The following PDE6B variants were observed in gnomAD, a reference collection of about 807,000 sequenced individuals.
PDE6B encodes rod cGMP-specific 3',5'-cyclic phosphodiesterase subunit beta.
Under a neutral mutation model 109.0 loss-of-function variants are expected in PDE6B, and 106 were observed. The ratio of observed to expected loss-of-function variants is 0.97; its 90% confidence interval spans 0.83 to 1.14. PDE6B has a LOEUF of 1.14. Among genes scored for constraint, PDE6B ranks in the 50% most tolerant of loss-of-function variants. PDE6B has a pLI of 0.00. For synonymous variants in PDE6B, 490 were observed against 471.3 expected (o/e 1.04, Z -0.51); for missense variants, 1,193 against 1,155.6 (o/e 1.03, Z -0.47).
In PDE6B at chr4:654,854, G is replaced by A. The variant is rs10902758; in HGVS notation, c.958G>A (p.Val320Ile). The A allele has an allele frequency of 1, 1,579,435 of 1,579,676 alleles. 789,598 individuals are homozygous for A. Among genetic ancestry groups the A allele is most frequent in the East Asian group, 1 (44,718 of 44,718 alleles). Residue 320 changes from valine to isoleucine, a missense_variant, in exon 6 of 22, where the codon GTC becomes ATC. Physicochemically the swap from Val to Ile is conservative, Grantham distance 29. Coordinates refer to ENST00000496514, the MANE Select transcript of PDE6B (RefSeq NM_000283.4). ...EIVFYKVIDY[V>I]LHGKEEIKVI... ...TGTCTTCTACAAAGTGATCGACTAC[G>A]TCCTCCACGGCAAGGAGGAGATCAA...
In PDE6B at chr4:667,838, C is replaced by A; in HGVS notation, c.2353-18C>A. On this transcript the variant is annotated intron_variant, in intron 20 of 21. Transcript: ENST00000496514. The stretch of plus-strand genomic sequence containing the variant: ...GCAGGCAGGACAGGACTGGTGGTGA[C>A]TTCTCGACTCCCCTCAGGAGTTCTC... The A allele has an allele frequency of 6.2e-7, 1 of 1,611,592 alleles. No individual in the cohort carries two copies. The highest frequency in any genetic ancestry group is 8.5e-7 in the Non-Finnish European group (1 of 1,178,462).
At chr4:627,935 C>T (rs1284351808) in intron 1 of PDE6B, among the ~76,000 whole-genome samples, 1 of 152,026 alleles carries the variant, frequency 6.6e-6, no homozygotes, top group Non-Finnish European at 1.5e-5. Flanking sequence ...GTCCGTCCCT[C>T]GGCCTGGCCT....
chr4:645,677 TACTC>T (rs1378801569), intron 3 of PDE6B, among the ~76,000 whole-genome samples: 2 of 152,050 alleles, frequency 1.3e-5, no homozygotes, highest in Non-Finnish European at 2.9e-5. Context: ...GTGTTGCACT[TACTC>T]TTTATTATTA....
At chr4:641,423 G>A (rs1236004334) in intron 3 of PDE6B, among the ~76,000 whole-genome samples, 4 of 152,230 alleles carry the variant, frequency 2.6e-5, no homozygotes, top group African/African-American at 9.6e-5. Flanking sequence ...CAGCGCAGGA[G>A]CCAGGTCAGG....
chr4:634,782 G>T lies in PDE6B; in HGVS notation c.574G>T (p.Ala192Ser). Residue 192 changes from alanine to serine, a missense_variant, in exon 2 of 22, where the codon GCA (alanine) becomes TCA (serine). Transcript: ENST00000496514. ...NGKDVVAVIM[A>S]VNKLNGPFFT... ...CAAAGACGTCGTGGCGGTGATCATGGCAGTGAACAAGCTCAACGGCCCATT... is the reference window on the plus strand; with the variant it reads ...CAAAGACGTCGTGGCGGTGATCATGTCAGTGAACAAGCTCAACGGCCCATT... The T allele has an allele frequency of 1.9e-6, 3 of 1,613,960 alleles. No individual in the cohort carries two copies. The highest frequency in any genetic ancestry group is 2.5e-6 in the Non-Finnish European group (3 of 1,179,848).
chr4:649,016 T>C (rs1735353251), intron 3 of PDE6B, among the ~76,000 whole-genome samples: 1 of 152,100 alleles, frequency 6.6e-6, no homozygotes, highest in South Asian at 2.1e-4. Context: ...CACCGGGCAG[T>C]GGCGGGAGCC....
chr4:662,338 G>A lies in PDE6B; in HGVS notation c.1722+97G>A. 1.2e-6 allele frequency: 1 copy of A among 845,996 alleles called. No individual in the cohort carries two copies. Among genetic ancestry groups the A allele is most frequent in the Non-Finnish European group, 2.0e-6 (1 of 506,740 alleles). 52.4% of individuals were successfully genotyped at this position (845,996 alleles called of 1,614,324 possible). On this transcript the variant is annotated intron_variant, in intron 13 of 21. Transcript: ENST00000496514. This position sits in a 1 kb window ranked among gnomAD's most constrained non-coding sequence, Gnocchi z 4.3. ...AGGGATGAGATGGGGGTCCTCCCAG[G>A]GCAGAAGGATGGAGGAGGGCAACGC...
chr4:659,956 G>T (rs1213045089), intron 11 of PDE6B, among the ~76,000 whole-genome samples: 2 of 152,174 alleles, frequency 1.3e-5, no homozygotes, highest in East Asian at 1.9e-4. Context: ...GAATGTGCCT[G>T]GTGGGTCTGA....
At chr4:653,614 C>G in intron 3 of PDE6B, 1 of 608,304 alleles carries the variant, frequency 1.6e-6, no homozygotes, top group Non-Finnish European at 2.9e-6. Context: ...CCTGAGTGAT[C>G]AGGGACACGA....
Position 656,879 on chromosome 4 carries a change from G to A in PDE6B, c.1113G>A (p.Gly371=). The A allele has an allele frequency of 1.9e-6, 3 of 1,612,760 alleles. No individual in the cohort carries two copies. Among genetic ancestry groups the A allele is most frequent in the Non-Finnish European group, 1.7e-6 (2 of 1,179,942 alleles). The part of the protein sequence containing the change: ...SADEMFKFQE[G]ALDDSGWLIK... ...TCTGGACACCGCTCCCGCAGGAAGG[G>A]GCCCTGGACGACTCCGGGTGGCTCA... The change falls in exon 9 of 22, where the codon GGG becomes GGA. Residue 371 remains glycine, a synonymous_variant. Coordinates refer to ENST00000496514, the MANE Select transcript of PDE6B (RefSeq NM_000283.4).
intron 3 of PDE6B, among the ~76,000 whole-genome samples, chr4:649,246 A>G (rs1025937565): frequency 6.6e-6 from 1 of 152,174 alleles, no homozygotes. Flanking sequence ...AATTGACATA[A>G]TGGCCATGAT....
Position 625,582 on chromosome 4 carries a change from C to A in PDE6B, c.-45C>A. 1 of 1,349,342 alleles carries A rather than the reference C, an allele frequency of 7.4e-7. No individual in the cohort carries two copies. The highest frequency in any genetic ancestry group is 1.1e-6 in the Non-Finnish European group (1 of 938,624). The allele number at this position is 1,349,342 out of a possible 1,614,324, so 83.6% of individuals were successfully genotyped here. On this transcript the variant is annotated 5_prime_UTR_variant, in exon 1 of 22. Transcript: ENST00000496514. This position sits in a 1 kb window ranked among gnomAD's most constrained non-coding sequence, Gnocchi z 5.0. ...CTGATGACAGGGTTTCCTGGGAGTCCATGCGTGCCTGGAGCAGCAGCGTCT... is the reference window on the plus strand; with the variant it reads ...CTGATGACAGGGTTTCCTGGGAGTCAATGCGTGCCTGGAGCAGCAGCGTCT...
rs369727643 is a variant in PDE6B, at chr4:644,654, C to T, written c.711+8685C>T. ...AGGTGATTCTCCCGCCTCAGCCTCC[C>T]GAGTAGCTGGGACTACAGGCACACG... On this transcript the variant is annotated intron_variant, in intron 3 of 21. Coordinates refer to ENST00000496514, the MANE Select transcript of PDE6B (RefSeq NM_000283.4). Among the ~76,000 whole-genome samples, 168 of 152,112 alleles carry T rather than the reference C, an allele frequency of 1.1e-3. 1 individual carries two copies. In the South Asian group the frequency reaches 0.033, roughly 30 times the overall value.
chr4:659,718 G>A (rs1032420978), intron 11 of PDE6B, among the ~76,000 whole-genome samples: 1 of 151,442 alleles, frequency 6.6e-6, no homozygotes, highest in Non-Finnish European at 1.5e-5. Context: ...GTGCCCGTGT[G>A]TGCACCCATG....
intron 1 of PDE6B, among the ~76,000 whole-genome samples, chr4:632,573 G>T (rs761306648): frequency 8.8e-5 from 13 of 148,154 alleles, no homozygotes; most frequent in Non-Finnish European, 1.5e-4. Flanking sequence ...ACATGGTGGG[G>T]ATCTGTGTGG....
At chr4:634,151 G>A (rs562047983) in intron 1 of PDE6B, among the ~76,000 whole-genome samples, 1 of 152,062 alleles carries the variant, frequency 6.6e-6, no homozygotes, top group African/African-American at 2.4e-5. Context: ...CTCCCACCCC[G>A]GCCTGCCAGC....
chr4:663,953 C>G lies in PDE6B; in HGVS notation c.2021+83C>G, dbSNP rs1737459998. 1 of 1,161,056 alleles carries G rather than the reference C, an allele frequency of 8.6e-7. No homozygotes were observed. The highest frequency in any genetic ancestry group is 1.6e-5 in the African/African-American group (1 of 64,070). 71.9% of individuals were successfully genotyped at this position (1,161,056 alleles called of 1,614,324 possible). On this transcript the variant is annotated intron_variant, in intron 16 of 21. Transcript: ENST00000496514. This position sits in a 1 kb window ranked among gnomAD's most constrained non-coding sequence, Gnocchi z 4.0. ...GGCAGACACGGGGGCGCAGCGGCGG[C>G]ACAGCCCGGGGGACGCAGCCCCGGA...
chr4:669,826 G>A (rs569017605), intron 21 of PDE6B, among the ~76,000 whole-genome samples: 5 of 152,158 alleles, frequency 3.3e-5, no homozygotes, highest in African/African-American at 1.2e-4. Context: ...GCGACTTCAG[G>A]ACTATGGAAG....
At chr4:664,042 C>T (rs1737474754) in intron 16 of PDE6B, 72 bp from the exon 17 acceptor site, 3 of 1,236,364 alleles carry the variant, frequency 2.4e-6, no homozygotes, top group Non-Finnish European at 3.6e-6. Context: ...CCGCGCCTCC[C>T]TGCAGACGGG....
Sources: gnomAD v4.1 joint callset for allele counts (sites outside exome capture counted in the v4.1 genomes callset) on GRCh38, gnomAD v4.1.1 for gene constraint, Gnocchi (gnomAD v3.1) non-coding constraint, MANE v1.5 for transcripts, NCBI Gene and HGNC (gene_info 2026-07-23, HGNC 2026-07-21) for gene names.